Variants in CHIC1 observed in about 807,000 individuals in gnomAD.
CHIC1 encodes the protein cysteine rich hydrophobic domain 1.
Under a neutral mutation model 18.5 loss-of-function variants are expected in CHIC1, and 7 were observed. The observed-to-expected ratio is 0.38, with a 90% CI of 0.22 to 0.71. The LOEUF (loss-of-function observed/expected upper bound fraction) is 0.71. CHIC1 is among the 30% of genes least tolerant of loss of function. The pLI is 0.49. For missense variants in CHIC1, 159 were observed against 176.9 expected, an observed-to-expected ratio of 0.90 and a Z score of 0.57; for synonymous variants, 77 against 73.5, an observed-to-expected ratio of 1.05 and a Z score of -0.25.
chrX:73,576,280 T>C (rs1294857240), intron 1 of CHIC1, among the ~76,000 whole-genome samples: 2 of 110,915 alleles, frequency 1.8e-5, no homozygotes, highest in African/African-American at 6.5e-5. Context: ...TCATTTGTTA[T>C]CATCATGTAT....
At chrX:73,585,932 A>G (rs935111141) in intron 3 of CHIC1, among the ~76,000 whole-genome samples, 8 of 111,250 alleles carry the variant, frequency 7.2e-5, no homozygotes, top group African/African-American at 2.6e-4. Flanking sequence ...TTGGATAATT[A>G]AAAGCTCATA....
chrX:73,679,408 C>T (rs1304498860), intron 4 of CHIC1, 26 bp downstream of exon 4: 1 of 985,171 alleles, frequency 1.0e-6, no homozygotes, highest in South Asian at 2.1e-5. Flanking sequence ...CACATAAGTG[C>T]CCCATTCATA....
rs185013248 is a variant in CHIC1, at chrX:73,579,730, C to T, written c.351+2269C>T. On this transcript the variant is annotated intron_variant, in intron 2 of 5. Coordinates refer to ENST00000373502, the MANE Select transcript of CHIC1 (RefSeq NM_001039840.4). ...TCTTTAGTACGTTCTACCTTCCTATCCTGATCAATTGGAGTAATTTACCAA... is the reference window on the plus strand; with the variant it reads ...TCTTTAGTACGTTCTACCTTCCTATTCTGATCAATTGGAGTAATTTACCAA... Among the ~76,000 whole-genome samples the T allele has an allele frequency of 8.3e-3, 917 of 110,433 alleles. 3 individuals carry two copies. Among genetic ancestry groups the T allele is most frequent in the African/African-American group, 0.029 (889 of 30,620 alleles).
At chrX:73,602,824 T>A (rs2057658518) in intron 3 of CHIC1, among the ~76,000 whole-genome samples, 1 of 108,706 alleles carries the variant, frequency 9.2e-6, no homozygotes, top group Non-Finnish European at 1.9e-5. Context: ...CAGGTGGTTG[T>A]AGATGTGTGG....
intron 2 of CHIC1, among the ~76,000 whole-genome samples, chrX:73,582,943 G>A (rs907880733): frequency 1.4e-4 from 15 of 110,528 alleles, no homozygotes; most frequent in Non-Finnish European, 1.9e-5. Flanking sequence ...AAGTTTGTTA[G>A]TGTTTTCTAA....
chrX:73,681,222 C>T lies in CHIC1; in HGVS notation c.*217C>T, dbSNP rs2058098198. The T allele has an allele frequency of 2.8e-6, 1 of 355,352 alleles. No individual in the cohort carries two copies. The highest frequency in any genetic ancestry group is 4.8e-6 in the Non-Finnish European group (1 of 208,058). 29.3% of individuals were successfully genotyped at this position (355,352 alleles called of 1,213,427 possible). ...TTTTGCACTCTCAATTTTAAATACACACACATGCGTGTGTGCATATACATA... is the reference window on the plus strand; with the variant it reads ...TTTTGCACTCTCAATTTTAAATACATACACATGCGTGTGTGCATATACATA... On this transcript the variant is annotated 3_prime_UTR_variant, in exon 6 of 6. Coordinates refer to ENST00000373502, the MANE Select transcript of CHIC1 (RefSeq NM_001039840.4).
At chrX:73,632,193 T>A (rs749506745) in intron 3 of CHIC1, among the ~76,000 whole-genome samples, 1 of 112,329 alleles carries the variant, frequency 8.9e-6, no homozygotes, top group African/African-American at 3.2e-5. Context: ...CTTCTTGATA[T>A]ATATTCTCTT....
At chrX:73,672,339 G>A (rs1414675124) in intron 3 of CHIC1, among the ~76,000 whole-genome samples, 34 of 111,394 alleles carry the variant, frequency 3.1e-4, no homozygotes, top group African/African-American at 7.8e-4. Flanking sequence ...CTGAGGAATC[G>A]CCACACTGAC....
At chrX:73,677,506 G>A (rs1203405018) in intron 3 of CHIC1, among the ~76,000 whole-genome samples, 1 of 112,086 alleles carries the variant, frequency 8.9e-6, no homozygotes, top group Admixed American at 9.4e-5. Context: ...CTAGCAATGT[G>A]TGAGACCCTG....
chrX:73,577,282 T>C (rs1235723369), intron 1 of CHIC1, 125 bp from the exon 2 acceptor site: 1 of 411,332 alleles, frequency 2.4e-6, no homozygotes. Flanking sequence ...TAAAAATTTT[T>C]CAGGGCACAT....
chrX:73,613,472 G>GCA (rs1375730938), intron 3 of CHIC1, among the ~76,000 whole-genome samples: 4 of 110,969 alleles, frequency 3.6e-5, no homozygotes, highest in Non-Finnish European at 7.5e-5. Context: ...TATGATTTGT[G>GCA]CACATGCTGG....
chrX:73,649,930 A>G (rs1208671511), intron 3 of CHIC1, among the ~76,000 whole-genome samples: 1 of 112,733 alleles, frequency 8.9e-6, no homozygotes, highest in African/African-American at 3.2e-5. Context: ...AATTGACCAC[A>G]TAATTGGAAG....
intron 3 of CHIC1, among the ~76,000 whole-genome samples, chrX:73,618,596 C>T (rs1263077643): frequency 2.7e-5 from 3 of 111,642 alleles, no homozygotes; most frequent in Admixed American, 9.4e-5. Flanking sequence ...CCCATGCAGC[C>T]CAAAAGGCTG....
rs942726834 is a variant in CHIC1, at chrX:73,578,128, G to A, written c.351+667G>A. On this transcript the variant is annotated intron_variant, in intron 2 of 5. Transcript: ENST00000373502. ...ATCACAAAATAACAAAAAGGTGACT[G>A]TGAGGAGATGGATATGCTAATGTGT... 5.4e-5 allele frequency among the ~76,000 whole-genome samples: 6 copies of A among 110,624 alleles called. No individual in the cohort carries two copies. In the Admixed American group the frequency reaches 5.8e-4, roughly 11 times the overall value.
intron 3 of CHIC1, among the ~76,000 whole-genome samples, chrX:73,589,406 T>G (rs1273949799): frequency 9.0e-6 from 1 of 111,226 alleles, no homozygotes; most frequent in Non-Finnish European, 1.9e-5. Flanking sequence ...TCCTTTTCTG[T>G]ATCTTTTTAA....
chrX:73,638,497 CT>C (rs1162566762), intron 3 of CHIC1, among the ~76,000 whole-genome samples: 2 of 111,188 alleles, frequency 1.8e-5, no homozygotes, highest in African/African-American at 6.5e-5. Flanking sequence ...GCCACAAAAC[CT>C]TTCCCCCCAT....
At chrX:73,603,375 G>T (rs1176554915) in intron 3 of CHIC1, among the ~76,000 whole-genome samples, 1 of 108,573 alleles carries the variant, frequency 9.2e-6, no homozygotes, top group Admixed American at 9.7e-5. Flanking sequence ...TGCTGAAGTT[G>T]CTAATCAGCT....
chrX:73,563,622 T>C, intron 1 of CHIC1, 42 bp downstream of exon 1: 1 of 1,030,560 alleles, frequency 9.7e-7, no homozygotes, highest in Non-Finnish European at 1.3e-6. Context: ...GCCTGAGATT[T>C]GGCAACAGAG....
At chrX:73,592,992 T>C (rs2057589504) in intron 3 of CHIC1, among the ~76,000 whole-genome samples, 1 of 111,032 alleles carries the variant, frequency 9.0e-6, no homozygotes, top group African/African-American at 3.3e-5. Context: ...TTAGTATGCA[T>C]AGAGGTGTTC....
Sources: gnomAD v4.1 joint callset for allele counts (sites outside exome capture counted in the v4.1 genomes callset) on GRCh38, gnomAD v4.1.1 for gene constraint, MANE v1.5 for transcripts, NCBI Gene and HGNC (gene_info 2026-07-23, HGNC 2026-07-21) for gene names.